Variants in TENM2 observed in about 807,000 individuals in gnomAD.
TENM2 encodes the protein teneurin-2.
A neutral mutation model predicts 245.2 loss-of-function variants in TENM2; 52 were observed. The ratio of observed to expected loss-of-function variants is 0.21; its 90% CI spans 0.17 to 0.27. TENM2 has a LOEUF of 0.27. Ranked by LOEUF, TENM2 falls within the 10% of genes least tolerant of loss-of-function variation. The pLI is 1.00. For missense variants in TENM2, 3,046 were observed against 3,666.8 expected (o/e 0.83, Z 4.37); for synonymous variants, 1,363 against 1,438.9 (o/e 0.95, Z 1.19).
chr5:168,235,471 C>G (rs1360904248), intron 25 of TENM2, among the ~76,000 whole-genome samples: 1 of 152,092 alleles, frequency 6.6e-6, no homozygotes, highest in Non-Finnish European at 1.5e-5. Flanking sequence ...ATGCCTTTAC[C>G]TCTTATACCT....
intron 2 of TENM2, among the ~76,000 whole-genome samples, chr5:167,854,629 A>C (rs919136491): frequency 6.6e-6 from 1 of 152,226 alleles, no homozygotes; most frequent in African/African-American, 2.4e-5. Context: ...TTTTCTAAGC[A>C]ACAATTGGCA....
intron 5 of TENM2, among the ~76,000 whole-genome samples, chr5:168,027,036 T>G (rs143704405): frequency 1.6e-3 from 249 of 152,264 alleles, no homozygotes; most frequent in African/African-American, 5.6e-3. Flanking sequence ...TAAAACTACT[T>G]ATTAAAATGA....
At chr5:167,486,233 A>G (rs2127535906) in intron 2 of TENM2, among the ~76,000 whole-genome samples, 1 of 152,326 alleles carries the variant, frequency 6.6e-6, no homozygotes, top group South Asian at 2.1e-4. Flanking sequence ...TGTTGGGGAT[A>G]TAAATAAAAC....
the TENM2 span, among the ~76,000 whole-genome samples, chr5:167,113,632 G>C: frequency 7.0e-6 from 1 of 143,086 alleles, no homozygotes; most frequent in Non-Finnish European, 1.5e-5. Flanking sequence ...AACAGAGCGA[G>C]ATCCTGTCTC....
the TENM2 span, among the ~76,000 whole-genome samples, chr5:166,979,361 TA>T: frequency 6.6e-6 from 1 of 151,914 alleles, no homozygotes; most frequent in Non-Finnish European, 1.5e-5. Context: ...TCTTTGGGAT[TA>T]TTTTTTTTCC....
At chr5:167,437,818 A>G (rs149575370) in intron 2 of TENM2, among the ~76,000 whole-genome samples, 11 of 152,282 alleles carry the variant, frequency 7.2e-5, no homozygotes, top group African/African-American at 2.6e-4. Context: ...CTGTGATGTA[A>G]GACATGCCTT....
At chr5:167,490,654 A>G (rs1768372670) in intron 2 of TENM2, among the ~76,000 whole-genome samples, 1 of 152,172 alleles carries the variant, frequency 6.6e-6, no homozygotes, top group South Asian at 2.1e-4. Flanking sequence ...TAAAATTAGT[A>G]GACATTATGC....
chr5:167,231,540 T>A, the TENM2 span, among the ~76,000 whole-genome samples: 2 of 152,172 alleles, frequency 1.3e-5, no homozygotes, highest in Admixed American at 6.5e-5. Context: ...TGATTTAGGG[T>A]ATCTGGCAGA....
At chr5:167,097,262 G>T in the TENM2 span, among the ~76,000 whole-genome samples, 1 of 152,114 alleles carries the variant, frequency 6.6e-6, no homozygotes, top group East Asian at 1.9e-4. Flanking sequence ...TAAAAATTCA[G>T]GATGTTATTT....
chr5:167,052,796 T>C, the TENM2 span, among the ~76,000 whole-genome samples: 1 of 152,118 alleles, frequency 6.6e-6, no homozygotes, highest in East Asian at 1.9e-4. Context: ...GTAAGCATTC[T>C]CCTGGGCACT....
At chr5:167,825,308 C>G (rs80237816) in intron 2 of TENM2, among the ~76,000 whole-genome samples, 1 of 151,810 alleles carries the variant, frequency 6.6e-6, no homozygotes, top group Non-Finnish European at 1.5e-5. Context: ...GGGTGGGGTT[C>G]TTGGTGGGGT....
intron 2 of TENM2, among the ~76,000 whole-genome samples, chr5:167,647,908 C>T (rs901627497): frequency 2.0e-5 from 3 of 152,280 alleles, no homozygotes; most frequent in Admixed American, 1.3e-4. Flanking sequence ...TCTTTCGGTA[C>T]AGTTTCACTG....
At chr5:167,765,062 G>A (rs139599744) in intron 2 of TENM2, among the ~76,000 whole-genome samples, 5 of 152,230 alleles carry the variant, frequency 3.3e-5, no homozygotes, top group East Asian at 3.9e-4. Context: ...TTGGGCTGGC[G>A]AGAGGCCTTA....
intron 4 of TENM2, among the ~76,000 whole-genome samples, chr5:167,984,355 A>G (rs547206562): frequency 5.6e-4 from 86 of 152,308 alleles, no homozygotes; most frequent in African/African-American, 1.9e-3. Context: ...TTTACTTTCT[A>G]TTTTTAAAAT....
chr5:167,529,702 G>T (rs68179237), intron 2 of TENM2, among the ~76,000 whole-genome samples: 17,663 of 152,136 alleles, frequency 0.12, 1,199 homozygotes, highest in South Asian at 0.19. Flanking sequence ...TAGCTTATGA[G>T]GGCACAAATA....
At chr5:167,031,060 A>G in the TENM2 span, among the ~76,000 whole-genome samples, 1 of 152,182 alleles carries the variant, frequency 6.6e-6, no homozygotes, top group African/African-American at 2.4e-5. Flanking sequence ...TTTAGAAGTG[A>G]GCCGCGTCTT....
intron 19 of TENM2, among the ~76,000 whole-genome samples, chr5:168,210,770 T>C (rs778318365): frequency 1.4e-4 from 21 of 152,154 alleles, no homozygotes; most frequent in Non-Finnish European, 1.0e-4. Flanking sequence ...CCCTGAAGCC[T>C]TTCTCCTCAA....
intron 2 of TENM2, among the ~76,000 whole-genome samples, chr5:167,455,641 C>T (rs991234393): frequency 3.9e-5 from 6 of 151,932 alleles, no homozygotes; most frequent in South Asian, 2.1e-4. Context: ...AATATGCTGT[C>T]CCAGTTATCT....
intron 7 of TENM2, among the ~76,000 whole-genome samples, chr5:168,078,318 T>G (rs1791664432): frequency 6.6e-6 from 1 of 152,236 alleles, no homozygotes; most frequent in African/African-American, 2.4e-5. Context: ...CCTTGTAGAT[T>G]CTGGATATTA....
Sources: gnomAD v4.1 joint callset for allele counts (sites outside exome capture counted in the v4.1 genomes callset) on GRCh38, gnomAD v4.1.1 for gene constraint, MANE v1.5 for transcripts, NCBI Gene and HGNC (gene_info 2026-07-23, HGNC 2026-07-21) for gene names.